The following MARK3 variants were observed in gnomAD, a reference collection of about 807,000 sequenced individuals.
MARK3 encodes microtubule affinity regulating kinase 3, also known as MAP/microtubule affinity-regulating kinase 3.
MARK3 carries 46 observed loss-of-function variants against 90.1 expected under a neutral mutation model. The observed-to-expected ratio is 0.51, with a 90% CI of 0.40 to 0.65. MARK3 has a LOEUF of 0.65. Ranked by LOEUF, MARK3 falls within the 30% of genes least tolerant of loss-of-function variation. The pLI, the probability that MARK3 is intolerant of heterozygous loss-of-function variation, is 0.00. For synonymous variants in MARK3, 321 were observed against 332.6 expected, an observed-to-expected ratio of 0.97 and a Z score of 0.38; for missense variants, 818 against 947.2, an observed-to-expected ratio of 0.86 and a Z score of 1.79.
chr14:103,496,739 A>G (rs2075363380), intron 15 of MARK3, among the ~76,000 whole-genome samples: 1 of 152,028 alleles, frequency 6.6e-6, no homozygotes, highest in African/African-American at 2.4e-5. Flanking sequence ...AAAAGAAAAA[A>G]AGTTGGGAAA....
At chr14:103,396,932 A>G (rs1245529510) in intron 1 of MARK3, among the ~76,000 whole-genome samples, 1 of 152,236 alleles carries the variant, frequency 6.6e-6, no homozygotes, top group Admixed American at 6.5e-5. Flanking sequence ...CTGTAAGTAT[A>G]AAAGATAAAC....
chr14:103,501,568 G>A (rs2075667135), intron 17 of MARK3, among the ~76,000 whole-genome samples: 1 of 152,098 alleles, frequency 6.6e-6, no homozygotes, highest in South Asian at 2.1e-4. Context: ...TATCTTCATT[G>A]CATTTTGTTG....
chr14:103,448,377 C>T (rs1173509679), intron 3 of MARK3, among the ~76,000 whole-genome samples: 1 of 152,130 alleles, frequency 6.6e-6, no homozygotes, highest in Non-Finnish European at 1.5e-5. Flanking sequence ...TAAGGCATGA[C>T]TCATGAGGGT....
chr14:103,458,791 C>T, intron 6 of MARK3: 1 of 713,450 alleles, frequency 1.4e-6, no homozygotes, highest in Non-Finnish European at 2.6e-6. Flanking sequence ...CTGATGTTTA[C>T]ATTTGTAAGT....
chr14:103,391,539 A>G (rs956834408), intron 1 of MARK3, among the ~76,000 whole-genome samples: 1 of 144,562 alleles, frequency 6.9e-6, no homozygotes, highest in Admixed American at 7.2e-5. Context: ...TATGTCAAAT[A>G]TGCTTTTTTT....
In MARK3 at chr14:103,458,660, A is replaced by T. The variant is rs953515297; in HGVS notation, c.483+1448A>T. The T allele has an allele frequency of 4.8e-6, 3 of 631,288 alleles. No individual in the cohort carries two copies. In the African/African-American group the frequency reaches 5.6e-5, roughly 12 times the overall value. The allele number at this position is 631,288 out of a possible 1,614,324, so 39.1% of individuals were successfully genotyped here. ...TTAATTCTGTATTCTCACAAGGCCT[A>T]CATTGAAATGGAATTATAGCCTCAT... On this transcript the variant is annotated intron_variant, in intron 6 of 17. Coordinates refer to ENST00000429436, the MANE Select transcript of MARK3 (RefSeq NM_001128918.3).
intron 2 of MARK3, among the ~76,000 whole-genome samples, chr14:103,422,717 T>C (rs968341009): frequency 1.3e-5 from 2 of 152,192 alleles, no homozygotes; most frequent in African/African-American, 4.8e-5. Context: ...AATAGAATGT[T>C]AGAGTATTTT....
intron 2 of MARK3, among the ~76,000 whole-genome samples, chr14:103,407,650 T>C (rs1336435151): frequency 7.5e-6 from 1 of 132,830 alleles, no homozygotes; most frequent in Non-Finnish European, 1.5e-5. Context: ...AACCTCCGCC[T>C]CCTGGGTTCA....
chr14:103,389,312 C>T (rs1353341321), intron 1 of MARK3, among the ~76,000 whole-genome samples: 3 of 150,008 alleles, frequency 2.0e-5, no homozygotes, highest in Non-Finnish European at 3.0e-5. Flanking sequence ...TGCAGTGAGC[C>T]GAGATTGGGC....
rs895032947 is a variant in MARK3 at position 103,412,626 on chromosome 14, C to A, written c.243+7359C>A. 34 of 1,021,862 alleles carry A rather than the reference C, an allele frequency of 3.3e-5. No homozygotes were observed. In the African/African-American group the frequency reaches 6.2e-4, roughly 19 times the overall value. 63.3% of individuals were successfully genotyped at this position (1,021,862 alleles called of 1,614,324 possible). A position where few individuals can be genotyped will look rare whatever the true frequency, so the allele number is the denominator to read the frequency against. ...CTGACGGTGCCCGAGAAGCGCTTGT[C>A]CTTCTGGGGGTCATAGTTCTTCAAG... On this transcript the variant is annotated intron_variant, in intron 2 of 17. Coordinates refer to ENST00000429436, the MANE Select transcript of MARK3 (RefSeq NM_001128918.3).
chr14:103,464,093 T>A (rs939350192), intron 7 of MARK3, among the ~76,000 whole-genome samples: 1 of 152,144 alleles, frequency 6.6e-6, no homozygotes, highest in Non-Finnish European at 1.5e-5. Flanking sequence ...AACCCACAAC[T>A]CCCTGTGCCT....
rs1555396272 is a variant in MARK3, at chr14:103,470,453, C to CTTTTTTTTTTTTTTT, written c.1264+2268_1264+2269insTTTTTTTTTTTTTTT. Among the ~76,000 whole-genome samples, 21 of 24,198 alleles carry CTTTTTTTTTTTTTTT rather than the reference C, an allele frequency of 8.7e-4. 3 individuals are homozygous for CTTTTTTTTTTTTTTT. The highest frequency in any genetic ancestry group is 1.9e-3 in the Admixed American group (3 of 1,542). The allele number at this position is 24,198 out of a possible 152,430, so 15.9% of individuals were successfully genotyped here. A position where few individuals can be genotyped will look rare whatever the true frequency, so the allele number is the denominator to read the frequency against. On this transcript the variant is annotated intron_variant, in intron 12 of 17. Coordinates refer to ENST00000429436, the MANE Select transcript of MARK3 (RefSeq NM_001128918.3). Reference sequence around the variant, plus strand: ...CTATTCCAGGATTCAGGAACTAAATCTATTTTTTTTTTTTTTTTTGAGATG... The same window carrying CTTTTTTTTTTTTTTT: ...CTATTCCAGGATTCAGGAACTAAATCTTTTTTTTTTTTTTTTATTTTTTTTTTTTTTTTTGAGATG...
At chr14:103,471,995 G>A (rs943751174) in intron 12 of MARK3, among the ~76,000 whole-genome samples, 6 of 152,096 alleles carry the variant, frequency 3.9e-5, no homozygotes, top group African/African-American at 1.2e-4. Context: ...TGGATCACGA[G>A]GTCAGGAGAT....
rs1243958399 is a variant in MARK3 at position 103,405,012 on chromosome 14, C to G, written c.52-64C>G. ...AATGTTTTTTCTTCAATTAGAAGCT[C>G]TTAGAACTTGGCAAGTACTCTGTGT... On this transcript the variant is annotated intron_variant, in intron 1 of 17. Coordinates refer to ENST00000429436, the MANE Select transcript of MARK3 (RefSeq NM_001128918.3). 4.6e-6 allele frequency: 6 copies of G among 1,316,352 alleles called. No homozygotes were observed. In the East Asian group the frequency reaches 1.2e-4, roughly 27 times the overall value. The allele number at this position is 1,316,352 out of a possible 1,614,324, so 81.5% of individuals were successfully genotyped here.
At position 103,491,174 on chromosome 14, in the gene MARK3, AT is replaced by A. The variant is rs2094009386; in HGVS notation, c.1587-599del. The A allele has an allele frequency of 2.6e-6, 3 of 1,138,578 alleles. No homozygotes were observed. The South Asian group carries it at 4.9e-5, about 18-fold the overall frequency. 70.5% of individuals were successfully genotyped at this position (1,138,578 alleles called of 1,614,324 possible). A position where few individuals can be genotyped will look rare whatever the true frequency, so the allele number is the denominator to read the frequency against. On this transcript the variant is annotated intron_variant, in intron 14 of 17. Transcript: ENST00000429436. ...ACTGCTTCTTAATTTTGTGCTGTGG[AT>A]TTTATAGTCTGAGATTTTGTTACAG...
At chr14:103,465,930 AGGTT>A in intron 8 of MARK3, 38 bp from the exon 9 acceptor site, 1 of 1,596,258 alleles carries the variant, frequency 6.3e-7, no homozygotes, top group South Asian at 1.1e-5. Context: ...CTAAACCTAA[AGGTT>A]GACTTACTCG....
intron 15 of MARK3, among the ~76,000 whole-genome samples, chr14:103,495,683 G>A (rs1308992077): frequency 6.6e-6 from 1 of 152,084 alleles, no homozygotes; most frequent in Non-Finnish European, 1.5e-5. Flanking sequence ...CAATTTCCAG[G>A]CTATTTCCAC....
intron 2 of MARK3, among the ~76,000 whole-genome samples, chr14:103,427,406 G>A (rs1036637239): frequency 2.1e-5 from 3 of 143,786 alleles, no homozygotes; most frequent in South Asian, 2.2e-4. Context: ...GGCTGAGGGA[G>A]TAGAAACTAT....
At chr14:103,411,709 A>T (rs897086331) in intron 2 of MARK3, among the ~76,000 whole-genome samples, 1 of 149,802 alleles carries the variant, frequency 6.7e-6, no homozygotes, top group Non-Finnish European at 1.5e-5. Context: ...TGCAACCTCC[A>T]CCTCCCGGGT....
Sources: allele counts gnomAD v4.1 joint callset (sites outside exome capture counted in the v4.1 genomes callset), GRCh38; gene constraint gnomAD v4.1.1; transcripts MANE v1.5; gene names NCBI Gene and HGNC (gene_info 2026-07-23, HGNC 2026-07-21).